Variants in SGSM1 observed in about 807,000 individuals in gnomAD.
SGSM1 encodes the protein RUN and TBC1 domain containing 2.
Under a neutral mutation model 133.8 loss-of-function variants are expected in SGSM1, and 73 were observed. The ratio of observed to expected loss-of-function variants is 0.55; its 90% CI spans 0.45 to 0.66. The LOEUF (loss-of-function observed/expected upper bound fraction) is 0.66. Ranked by LOEUF, SGSM1 falls within the 30% of genes least tolerant of loss-of-function variation. The probability of loss-of-function intolerance (pLI) is 0.00; values close to 1 mark genes in which losing one functional copy is unlikely to be tolerated. For missense variants in SGSM1, 1,213 were observed against 1,448.1 expected (o/e 0.84, Z 2.64); for synonymous variants, 563 against 573.0 (o/e 0.98, Z 0.25).
At chr22:24,855,819 A>T in intron 8 of SGSM1, 139 bp downstream of exon 8, 1 of 1,242,214 alleles carries the variant, frequency 8.1e-7, no homozygotes, top group Non-Finnish European at 1.2e-6. Flanking sequence ...CCCGCCCAAC[A>T]CTCATTCATC....
At chr22:24,912,948 A>T (rs965695120) in intron 22 of SGSM1, among the ~76,000 whole-genome samples, 196 bp downstream of exon 22, 2 of 152,108 alleles carry the variant, frequency 1.3e-5, no homozygotes, top group African/African-American at 4.8e-5. Context: ...TCTCACTTAT[A>T]TGAGTCCCAA....
intron 2 of SGSM1, among the ~76,000 whole-genome samples, chr22:24,825,761 C>T (rs1219425467): frequency 1.3e-5 from 2 of 152,166 alleles, no homozygotes; most frequent in African/African-American, 4.8e-5. Flanking sequence ...CCCTGCAGGG[C>T]CCTCCAGGCA....
chr22:24,920,038 G>A, intron 24 of SGSM1, 45 bp downstream of exon 24: 3 of 1,549,896 alleles, frequency 1.9e-6, no homozygotes, highest in Non-Finnish European at 2.6e-6. Context: ...CAGGCTTCTG[G>A]AGGCCCCTTT....
intron 2 of SGSM1, among the ~76,000 whole-genome samples, chr22:24,842,638 C>A (rs1555923709): frequency 1.3e-5 from 2 of 152,074 alleles, no homozygotes; most frequent in Non-Finnish European, 2.9e-5. Flanking sequence ...AAGTACTGAC[C>A]AAATGTTACA....
chr22:24,874,246 A>T (rs550143179), intron 12 of SGSM1, among the ~76,000 whole-genome samples: 39 of 152,206 alleles, frequency 2.6e-4, no homozygotes, highest in Non-Finnish European at 2.9e-4. Flanking sequence ...TTGGCACTTT[A>T]TAAAAATCAG....
intron 14 of SGSM1, among the ~76,000 whole-genome samples, chr22:24,880,070 C>G (rs1370816998): frequency 6.6e-6 from 1 of 152,088 alleles, no homozygotes; most frequent in Admixed American, 6.5e-5. Context: ...ACACAGCTAA[C>G]AAGCAGTAGA....
chr22:24,865,266 G>A (rs1259208973), intron 9 of SGSM1, among the ~76,000 whole-genome samples: 1 of 152,240 alleles, frequency 6.6e-6, no homozygotes, highest in African/African-American at 2.4e-5. Context: ...TGAGGAACCA[G>A]AGGAGAGGAC....
chr22:24,852,438 A>G (rs1447024729), intron 5 of SGSM1, among the ~76,000 whole-genome samples: 2 of 152,012 alleles, frequency 1.3e-5, no homozygotes, highest in Non-Finnish European at 2.9e-5. Flanking sequence ...CTACCTGCTA[A>G]TTTTTAAATT....
At chr22:24,905,024 C>G (rs1424668881) in intron 20 of SGSM1, 81 bp from the exon 21 acceptor site, 6 of 1,182,380 alleles carry the variant, frequency 5.1e-6, no homozygotes. Flanking sequence ...GATTGGGGAC[C>G]GAAGCAGGAG....
intron 2 of SGSM1, chr22:24,813,777 C>G (rs1039764184): frequency 6.6e-6 from 1 of 152,374 alleles, no homozygotes; most frequent in Non-Finnish European, 1.5e-5. Flanking sequence ...AGGAGGGCCC[C>G]TGGCTTGCCT....
chr22:24,867,879 T>C (rs1402251753), intron 10 of SGSM1, among the ~76,000 whole-genome samples: 1 of 152,222 alleles, frequency 6.6e-6, no homozygotes, highest in Non-Finnish European at 1.5e-5. Flanking sequence ...TTGGTTTTAC[T>C]ATTTGTAAAA....
At chr22:24,908,925 G>A (rs1271930828) in intron 21 of SGSM1, among the ~76,000 whole-genome samples, 1 of 143,950 alleles carries the variant, frequency 6.9e-6, no homozygotes, top group Non-Finnish European at 1.6e-5. Flanking sequence ...GCACATTAAG[G>A]GATGCTCTAC....
intron 14 of SGSM1, among the ~76,000 whole-genome samples, chr22:24,883,084 T>TTG (rs1448384131): frequency 6.6e-6 from 1 of 151,708 alleles, no homozygotes; most frequent in East Asian, 1.9e-4. Context: ...TTTTTTTTTT[T>TTG]TAGTAGAGAC....
chr22:24,820,430 T>C (rs1480805985), intron 2 of SGSM1, among the ~76,000 whole-genome samples: 1 of 152,106 alleles, frequency 6.6e-6, no homozygotes, highest in African/African-American at 2.4e-5. Flanking sequence ...TCGGGCCAGG[T>C]TGGCAGCAGC....
At chr22:24,847,528 T>C in intron 3 of SGSM1, 106 bp from the exon 4 acceptor site, 1 of 1,385,510 alleles carries the variant, frequency 7.2e-7, no homozygotes, top group South Asian at 1.5e-5. Flanking sequence ...GGTAAGAAGA[T>C]TGAGAGGGCT....
intron 2 of SGSM1, among the ~76,000 whole-genome samples, chr22:24,828,370 T>TA (rs1928912118): frequency 6.6e-6 from 1 of 152,096 alleles, no homozygotes; most frequent in South Asian, 2.1e-4. Flanking sequence ...AAGTATTCTA[T>TA]AAAAGCACCT....
At position 24,832,919 on chromosome 22, in the gene SGSM1, G is replaced by A. The variant is rs372348075; in HGVS notation, c.64-11978G>A. On this transcript the variant is annotated intron_variant, in intron 2 of 24. Coordinates refer to ENST00000400358, the MANE Select transcript of SGSM1 (RefSeq NM_001098497.3). The stretch of plus-strand genomic sequence containing the variant: ...CTGATCTTCACATGATCTTCCCTTT[G>A]TAGCTGTGTCTAAATTTCCTCTTTT... 9.3e-5 allele frequency among the ~76,000 whole-genome samples: 14 copies of A among 151,122 alleles called. No homozygotes were observed. The East Asian group carries it at 1.4e-3, about 15-fold the overall frequency.
At chr22:24,858,421 C>G (rs2147857910) in intron 8 of SGSM1, among the ~76,000 whole-genome samples, 1 of 152,152 alleles carries the variant, frequency 6.6e-6, no homozygotes, top group Admixed American at 6.5e-5. Context: ...TTGAGACTAG[C>G]CTGGCCAACA....
chr22:24,861,956 CTT>C (rs551010251), intron 9 of SGSM1, among the ~76,000 whole-genome samples: 30 of 116,466 alleles, frequency 2.6e-4, no homozygotes, highest in Admixed American at 7.3e-4. Context: ...TTCTTTCTTT[CTT>C]TTTTTTTTTT....
Sources: allele counts gnomAD v4.1 joint callset (sites outside exome capture counted in the v4.1 genomes callset), GRCh38; gene constraint gnomAD v4.1.1; transcripts MANE v1.5; gene names NCBI Gene and HGNC (gene_info 2026-07-23, HGNC 2026-07-21).